Variants in PHF20 observed in about 807,000 individuals in gnomAD.
PHF20 encodes the protein PHD finger protein 20, also known as glioma-expressed antigen 2.
Under a neutral mutation model 113.5 loss-of-function variants are expected in PHF20, and 23 were observed. That is an observed-to-expected ratio of 0.20 (90% CI 0.15 to 0.29). The LOEUF (loss-of-function observed/expected upper bound fraction) is 0.29. PHF20 is among the 10% of genes least tolerant of loss of function. The probability of loss-of-function intolerance (pLI) is 1.00; values close to 1 mark genes in which losing one functional copy is unlikely to be tolerated. For synonymous variants in PHF20, 434 were observed against 457.3 expected, an observed-to-expected ratio of 0.95 and a Z score of 0.65; for missense variants, 943 against 1,219.6, an observed-to-expected ratio of 0.77 and a Z score of 3.38.
At position 35,891,893 on chromosome 20, in the gene PHF20, G is replaced by C. The variant is rs1399271542; in HGVS notation, c.1283-7477G>C. 4.6e-5 allele frequency among the ~76,000 whole-genome samples: 7 copies of C among 151,966 alleles called. No individual in the cohort carries two copies. The East Asian group carries it at 1.4e-3, about 29-fold the overall frequency. On this transcript the variant is annotated intron_variant, in intron 9 of 17. Coordinates refer to ENST00000374012, the MANE Select transcript of PHF20 (RefSeq NM_016436.5). ...ATTTATTTATGTACTTTTTGAGACA[G>C]AGTTTGTCACTGTGTTGCCCAGGCT...
rs2056142065 is a variant in PHF20, at chr20:35,949,574, C to T, written c.*1947C>T. ...GTAAAGGAAGTAATCTCCTTTCATT[C>T]ATTGTGACTTTTGTTCTTAGGGAAG... On this transcript the variant is annotated 3_prime_UTR_variant, in exon 18 of 18. Coordinates refer to ENST00000374012, the MANE Select transcript of PHF20 (RefSeq NM_016436.5). The T allele has an allele frequency of 6.6e-6, 1 of 152,572 alleles. No individual in the cohort carries two copies. The highest frequency in any genetic ancestry group is 6.6e-5 in the Admixed American group (1 of 15,258). The allele number at this position is 152,572 out of a possible 1,614,324, so 9.5% of individuals were successfully genotyped here. A position where few individuals can be genotyped will look rare whatever the true frequency, so the allele number is the denominator to read the frequency against.
intron 1 of PHF20, among the ~76,000 whole-genome samples, chr20:35,790,231 C>T (rs1470122961): frequency 2.6e-5 from 4 of 151,046 alleles, no homozygotes; most frequent in Non-Finnish European, 5.9e-5. Flanking sequence ...GACGGAGTCT[C>T]GCTCTGTCAT....
intron 13 of PHF20, among the ~76,000 whole-genome samples, chr20:35,925,088 C>T (rs2055600379): frequency 6.6e-6 from 1 of 151,886 alleles, no homozygotes; most frequent in Non-Finnish European, 1.5e-5. Context: ...ATTCATCTGT[C>T]TGTATATTTG....
rs73095583 is a variant in PHF20, at chr20:35,901,014, G to A, written c.1561+1366G>A. ...GCAGGAGGGAGTCTTCTAGGGCTCC[G>A]AAATGTTCTGTTTCCTGATCTGCAT... On this transcript the variant is annotated intron_variant, in intron 10 of 17. Coordinates refer to ENST00000374012, the MANE Select transcript of PHF20 (RefSeq NM_016436.5). 6.2e-3 allele frequency among the ~76,000 whole-genome samples: 942 copies of A among 152,252 alleles called. 7 individuals carry two copies. Among genetic ancestry groups the A allele is most frequent in the Non-Finnish European group, 1.0e-2 (678 of 68,022 alleles).
chr20:35,930,480 A>G (rs1323578748), intron 14 of PHF20, among the ~76,000 whole-genome samples: 2 of 152,256 alleles, frequency 1.3e-5, no homozygotes, highest in African/African-American at 2.4e-5. Context: ...CCTGGGCAAC[A>G]TGGCAAAACC....
At chr20:35,917,287 A>G (rs1310172814) in intron 12 of PHF20, 197 bp from the exon 13 acceptor site, 8 of 683,080 alleles carry the variant, frequency 1.2e-5, no homozygotes, top group Admixed American at 2.1e-5. Context: ...AGTTGAGTTC[A>G]CTGCCAGGCA....
At chr20:35,941,168 T>C in intron 17 of PHF20, 121 bp downstream of exon 17, 1 of 700,200 alleles carries the variant, frequency 1.4e-6, no homozygotes, top group Non-Finnish European at 2.3e-6. Flanking sequence ...CTTCTCTTCT[T>C]TTCAGCCTCT....
chr20:35,822,005 G>T (rs1568611311), intron 2 of PHF20, among the ~76,000 whole-genome samples: 1 of 152,176 alleles, frequency 6.6e-6, no homozygotes, highest in Non-Finnish European at 1.5e-5. Context: ...TTTTGGGCAT[G>T]TTAAATATAT....
At chr20:35,827,908 G>C (rs1377390652) in intron 2 of PHF20, among the ~76,000 whole-genome samples, 1 of 152,104 alleles carries the variant, frequency 6.6e-6, no homozygotes. Flanking sequence ...ATGTAAAAAG[G>C]GGGCAGTAAT....
intron 2 of PHF20, among the ~76,000 whole-genome samples, chr20:35,835,231 C>A (rs192012771): frequency 6.6e-6 from 1 of 151,780 alleles, no homozygotes; most frequent in African/African-American, 2.4e-5. Flanking sequence ...GCTGAGAACA[C>A]GCCACTGCAC....
chr20:35,777,478 C>A (rs1173653444), intron 1 of PHF20, among the ~76,000 whole-genome samples: 1 of 152,208 alleles, frequency 6.6e-6, no homozygotes, highest in Non-Finnish European at 1.5e-5. Context: ...AACTTCCTTT[C>A]TGAAGTTTGA....
At chr20:35,934,801 G>A (rs1017162012) in intron 15 of PHF20, among the ~76,000 whole-genome samples, 2 of 152,220 alleles carry the variant, frequency 1.3e-5, no homozygotes, top group Non-Finnish European at 2.9e-5. Flanking sequence ...GGCAGAATCT[G>A]TTGAGGTGAA....
At chr20:35,945,130 A>C (rs2056062627) in intron 17 of PHF20, among the ~76,000 whole-genome samples, 1 of 152,192 alleles carries the variant, frequency 6.6e-6, no homozygotes, top group Non-Finnish European at 1.5e-5. Flanking sequence ...AATACCAACA[A>C]GAAATATGAT....
intron 10 of PHF20, among the ~76,000 whole-genome samples, chr20:35,904,125 C>G (rs2055154505): frequency 6.6e-6 from 1 of 152,092 alleles, no homozygotes; most frequent in African/African-American, 2.4e-5. Flanking sequence ...AGACGTTTCA[C>G]AGTGGGACTC....
At chr20:35,815,099 G>C (rs1408669946) in intron 2 of PHF20, among the ~76,000 whole-genome samples, 2 of 151,820 alleles carry the variant, frequency 1.3e-5, no homozygotes, top group Non-Finnish European at 2.9e-5. Flanking sequence ...GGGAGGTTGA[G>C]GCAGGAAAAT....
intron 4 of PHF20, among the ~76,000 whole-genome samples, chr20:35,853,548 A>G (rs1235120728): frequency 1.3e-5 from 2 of 152,154 alleles, no homozygotes; most frequent in South Asian, 2.1e-4. Context: ...GTTTGAGACC[A>G]GCCTGGGTAA....
chr20:35,865,123 G>T (rs1341958801), intron 6 of PHF20, among the ~76,000 whole-genome samples: 1 of 152,078 alleles, frequency 6.6e-6, no homozygotes, highest in African/African-American at 2.4e-5. Flanking sequence ...AACCCAGGAG[G>T]CGGAGGTTGC....
At chr20:35,853,656 G>T (rs1185463938) in intron 4 of PHF20, among the ~76,000 whole-genome samples, 1 of 152,118 alleles carries the variant, frequency 6.6e-6, no homozygotes, top group Non-Finnish European at 1.5e-5. Context: ...CACTTGTGAG[G>T]CAGAGACAGT....
intron 1 of PHF20, among the ~76,000 whole-genome samples, chr20:35,793,550 T>G (rs1348159891): frequency 6.6e-6 from 1 of 150,448 alleles, no homozygotes; most frequent in Non-Finnish European, 1.5e-5. Flanking sequence ...TCCACCTGCC[T>G]CGGCCTCCCA....
Sources: gnomAD v4.1 joint callset for allele counts (sites outside exome capture counted in the v4.1 genomes callset) on GRCh38, gnomAD v4.1.1 for gene constraint, MANE v1.5 for transcripts, NCBI Gene and HGNC (gene_info 2026-07-23, HGNC 2026-07-21) for gene names.